MMD2: variants seen among roughly 807,000 people sequenced by gnomAD.
The protein encoded by MMD2 is monocyte to macrophage differentiation associated 2, also known as monocyte to macrophage differentiation factor 2.
A neutral mutation model predicts 33.5 loss-of-function variants in MMD2; 30 were observed. The ratio of observed to expected loss-of-function variants is 0.90; its 90% CI spans 0.67 to 1.22. The LOEUF (loss-of-function observed/expected upper bound fraction) is 1.22. Ranked by LOEUF, MMD2 falls within the 50% of genes most tolerant of loss-of-function variation. The pLI is 0.00. For missense variants in MMD2, 364 were observed against 325.4 expected, an observed-to-expected ratio of 1.12 and a Z score of -0.91; for synonymous variants, 129 against 123.0, an observed-to-expected ratio of 1.05 and a Z score of -0.32.
At chr7:4,916,371 C>CTTT (rs553309427) in intron 3 of MMD2, among the ~76,000 whole-genome samples, 8 of 64,748 alleles carry the variant, frequency 1.2e-4, no homozygotes, top group South Asian at 7.0e-4. Context: ...CTCCGTCCCA[C>CTTT]TTTTTTTTTT....
chr7:4,906,561 G>A lies in MMD2; in HGVS notation c.*835C>T. 2.5e-6 allele frequency: 1 copy of A among 398,624 alleles called. No homozygotes were observed. Among genetic ancestry groups the A allele is most frequent in the Non-Finnish European group, 4.4e-6 (1 of 226,064 alleles). The allele number at this position is 398,624 out of a possible 1,614,324, so 24.7% of individuals were successfully genotyped here. ...TTTGGAGATGGGAAGAAATGGCCAA[G>A]TAACAGCATCCTCATTCCCAACTCT... On this transcript the variant is annotated 3_prime_UTR_variant, in exon 7 of 7. Coordinates refer to ENST00000401401, the MANE Select transcript of MMD2 (RefSeq NM_198403.4).
chr7:4,902,803 C>T (rs1784811974), downstream of MMD2, among the ~76,000 whole-genome samples: 1 of 152,200 alleles, frequency 6.6e-6, no homozygotes, highest in African/African-American at 2.4e-5. Flanking sequence ...CTACCTGCCC[C>T]CTCTCAGCAC....
intron 1 of MMD2, among the ~76,000 whole-genome samples, chr7:4,932,682 G>A (rs1785623708): frequency 6.6e-6 from 1 of 150,718 alleles, no homozygotes; most frequent in Admixed American, 6.6e-5. Flanking sequence ...AAGTGCAGTG[G>A]CATGATCTCA....
At position 4,940,827 on chromosome 7, in the gene MMD2, G is replaced by A. The variant is rs1785887653; in HGVS notation, c.48-15295C>T. ...ATGATCTGCAGGAGACAGCACTCAGGTGCACTGTGCGTGGCATCCCATGTG... is the reference window on the plus strand; with the variant it reads ...ATGATCTGCAGGAGACAGCACTCAGATGCACTGTGCGTGGCATCCCATGTG... On this transcript the variant is annotated intron_variant, in intron 1 of 6. Coordinates refer to ENST00000401401, the MANE Select transcript of MMD2 (RefSeq NM_198403.4). The surrounding 1 kb of genome is among the most constrained non-coding windows in gnomAD (Gnocchi z 5.0). Among the ~76,000 whole-genome samples the A allele has an allele frequency of 6.6e-6, 1 of 152,168 alleles. No individual in the cohort carries two copies. Among genetic ancestry groups the A allele is most frequent in the Admixed American group, 6.6e-5 (1 of 15,266 alleles).
chr7:4,911,608 T>TTTAC lies in MMD2; in HGVS notation c.366-363_366-362insGTAA, dbSNP rs1785010600. Among the ~76,000 whole-genome samples, 5 of 72,298 alleles carry TTTAC rather than the reference T, an allele frequency of 6.9e-5. No individual in the cohort carries two copies. The South Asian group carries it at 1.5e-3, about 22-fold the overall frequency. 47.4% of individuals were successfully genotyped at this position (72,298 alleles called of 152,430 possible). On this transcript the variant is annotated intron_variant, in intron 4 of 6. Coordinates refer to ENST00000401401, the MANE Select transcript of MMD2 (RefSeq NM_198403.4). The stretch of plus-strand genomic sequence containing the variant: ...AAGCAATGCTGTTTTGTTTTATTTA[T>TTTAC]TTTATTTTATTTCATTTATTTTATT...
intron 4 of MMD2, among the ~76,000 whole-genome samples, chr7:4,911,854 G>A (rs985562222): frequency 2.6e-5 from 4 of 151,936 alleles, no homozygotes; most frequent in Non-Finnish European, 5.9e-5. Flanking sequence ...CTCCATGTTG[G>A]CCAAGCTGGT....
chr7:4,959,083 C>T lies in MMD2; in HGVS notation c.-66G>A. ...CGGGTAGCTGGCAGAGCCTGGGGGG[C>T]GCGGCGGCGGCAGCAGCAGGTTGGA... On this transcript the variant is annotated 5_prime_UTR_variant, in exon 1 of 7. Coordinates refer to ENST00000401401, the MANE Select transcript of MMD2 (RefSeq NM_198403.4). 2 of 1,217,750 alleles carry T rather than the reference C, an allele frequency of 1.6e-6. No individual in the cohort carries two copies. Among genetic ancestry groups the T allele is most frequent in the Non-Finnish European group, 2.1e-6 (2 of 964,498 alleles). 75.4% of individuals were successfully genotyped at this position (1,217,750 alleles called of 1,614,324 possible). A position where few individuals can be genotyped will look rare whatever the true frequency, so the allele number is the denominator to read the frequency against.
chr7:4,934,531 G>A (rs1342420825), intron 1 of MMD2, among the ~76,000 whole-genome samples: 5 of 152,238 alleles, frequency 3.3e-5, no homozygotes, highest in Admixed American at 1.3e-4. Context: ...CCAGCAGGCT[G>A]TGGCTGGTTA....
At chr7:4,929,682 ACT>A (rs1254400727) in intron 1 of MMD2, among the ~76,000 whole-genome samples, 2 of 150,960 alleles carry the variant, frequency 1.3e-5, no homozygotes, top group African/African-American at 4.9e-5. Context: ...CCGCCACCAC[ACT>A]CGGCTAATTT....
At chr7:4,958,138 A>G (rs566796267) in intron 1 of MMD2, among the ~76,000 whole-genome samples, 5 of 152,296 alleles carry the variant, frequency 3.3e-5, no homozygotes, top group African/African-American at 1.2e-4. Flanking sequence ...TGCCCCCTCC[A>G]AAGAGGCCCC....
At chr7:4,894,711 G>A in the MMD2 span, among the ~76,000 whole-genome samples, 2 of 152,092 alleles carry the variant, frequency 1.3e-5, no homozygotes, top group Non-Finnish European at 2.9e-5. This position sits in a 1 kb window ranked among gnomAD's most constrained non-coding sequence, Gnocchi z 4.3. Context: ...AGGAACCAGA[G>A]GGAACCCACG....
chr7:4,910,198 G>T (rs535807083), intron 5 of MMD2, among the ~76,000 whole-genome samples: 1 of 152,254 alleles, frequency 6.6e-6, no homozygotes, highest in East Asian at 1.9e-4. Flanking sequence ...ATGCATGCTG[G>T]TGCCAGAGCA....
intron 1 of MMD2, among the ~76,000 whole-genome samples, chr7:4,945,184 C>CTTTCTTCTTCTTCTTCTTCTTCTTCTT (rs1786024584): frequency 3.2e-5 from 1 of 31,624 alleles, no homozygotes; most frequent in African/African-American, 1.1e-4. Context: ...TCCTCTTCCT[C>CTTTCTTCTTCTTCTTCTTCTTCTTCTT]TTTCTTCTTC....
rs1038673088 is a variant in MMD2 at position 4,906,208 on chromosome 7, C to T, written c.*1188G>A. The T allele has an allele frequency of 3.0e-6, 1 of 334,706 alleles. No individual in the cohort carries two copies. The highest frequency in any genetic ancestry group is 2.1e-5 in the African/African-American group (1 of 47,328). 20.7% of individuals were successfully genotyped at this position (334,706 alleles called of 1,614,324 possible). ...TTCCAATTCAGATCCTGGAGCTGGG[C>T]CTGCTACTCACCTCCCCAGTAAATG... On this transcript the variant is annotated 3_prime_UTR_variant, in exon 7 of 7. Coordinates refer to ENST00000401401, the MANE Select transcript of MMD2 (RefSeq NM_198403.4).
chr7:4,927,530 G>A (rs1027972663), intron 1 of MMD2, among the ~76,000 whole-genome samples: 1 of 151,940 alleles, frequency 6.6e-6, no homozygotes, highest in East Asian at 1.9e-4. Context: ...GACAGAGTGA[G>A]ACTCCATTTC....
chr7:4,925,534 T>A lies in MMD2; in HGVS notation c.48-2A>T. On this transcript the variant is annotated splice_acceptor_variant, in intron 1 of 6. Coordinates refer to ENST00000401401, the MANE Select transcript of MMD2 (RefSeq NM_198403.4). LOFTEE classifies it high-confidence loss of function. ...GCAGGGACTCGGTGGTTCATGAACC[T>A]GGAAGGAGAGGGAGAATTCCAGGAA... The A allele has an allele frequency of 6.4e-7, 1 of 1,562,484 alleles. No individual in the cohort carries two copies. Among genetic ancestry groups the A allele is most frequent in the Non-Finnish European group, 8.7e-7 (1 of 1,152,728 alleles).
At chr7:4,934,488 G>A (rs910659648) in intron 1 of MMD2, among the ~76,000 whole-genome samples, 4 of 152,206 alleles carry the variant, frequency 2.6e-5, no homozygotes, top group Admixed American at 6.5e-5. Flanking sequence ...CAGCCTCGAC[G>A]GTGGGAAACT....
downstream of MMD2, among the ~76,000 whole-genome samples, chr7:4,903,325 C>G (rs1784819315): frequency 6.6e-6 from 1 of 152,082 alleles, no homozygotes; most frequent in Non-Finnish European, 1.5e-5. Context: ...GCTGTCAACC[C>G]CCTGTGCAAG....
chr7:4,902,594 C>G (rs1027811500), downstream of MMD2, among the ~76,000 whole-genome samples: 2 of 152,328 alleles, frequency 1.3e-5, no homozygotes, highest in East Asian at 3.9e-4. Context: ...CTGCCTGCCC[C>G]GCTTCCAGCT....
Sources: gnomAD v4.1 joint callset for allele counts (sites outside exome capture counted in the v4.1 genomes callset) on GRCh38, gnomAD v4.1.1 for gene constraint, Gnocchi (gnomAD v3.1) non-coding constraint, MANE v1.5 for transcripts, NCBI Gene and HGNC (gene_info 2026-07-23, HGNC 2026-07-21) for gene names.